Variants in EFR3B observed in about 807,000 individuals in gnomAD.
EFR3B encodes the protein protein EFR3 homolog B.
EFR3B carries 64 observed loss-of-function variants against 104.7 expected under a neutral mutation model. The ratio of observed to expected loss-of-function variants is 0.61; its 90% confidence interval spans 0.50 to 0.75. The LOEUF (loss-of-function observed/expected upper bound fraction) is 0.75. EFR3B is among the 30% of genes least tolerant of loss of function. The probability of loss-of-function intolerance (pLI) is 0.00; values close to 1 mark genes in which losing one functional copy is unlikely to be tolerated. For synonymous variants in EFR3B, 385 were observed against 417.9 expected (o/e 0.92, Z 0.96); for missense variants, 750 against 1,078.5 (o/e 0.70, Z 4.27).
chr2:25,122,062 G>A (rs1670032488), intron 5 of EFR3B, among the ~76,000 whole-genome samples: 1 of 151,906 alleles, frequency 6.6e-6, no homozygotes, highest in Admixed American at 6.6e-5. Context: ...CGCCTCCCAG[G>A]TTCAAGTGAT....
intron 2 of EFR3B, among the ~76,000 whole-genome samples, chr2:25,091,937 G>A (rs1183429960): frequency 6.6e-6 from 1 of 152,152 alleles, no homozygotes; most frequent in Non-Finnish European, 1.5e-5. Context: ...GGGATCTGAT[G>A]TACTTGACTT....
chr2:25,068,987 G>A (rs1206996662), intron 1 of EFR3B, among the ~76,000 whole-genome samples: 5 of 128,288 alleles, frequency 3.9e-5, no homozygotes, highest in East Asian at 2.5e-4. Context: ...AGGCTGGAAT[G>A]CAGTGGCGCG....
intron 4 of EFR3B, among the ~76,000 whole-genome samples, chr2:25,118,437 C>CTG (rs924266276): frequency 1.3e-5 from 2 of 151,740 alleles, no homozygotes; most frequent in African/African-American, 2.4e-5. Context: ...TAATATTCCA[C>CTG]TGTGTGTGTG....
chr2:25,145,007 C>G lies in EFR3B; in HGVS notation c.2098C>G (p.Leu700Val). ...KRRSIGETIS[L>V]QVEVESRNSP... Reference sequence around the variant, plus strand: ...GAGGAGCATTGGAGAGACCATCTCCCTGCAGGTGGAGGTAGAATCGAGGAA... The same window carrying G: ...GAGGAGCATTGGAGAGACCATCTCCGTGCAGGTGGAGGTAGAATCGAGGAA... Residue 700 changes from leucine to valine, a missense_variant, in exon 19 of 23, where the codon CTG becomes GTG. Physicochemically the swap from Leu to Val is conservative, Grantham distance 32 (BLOSUM62 1). Transcript: ENST00000403714. The G allele has an allele frequency of 6.4e-7, 1 of 1,551,744 alleles. No individual in the cohort carries two copies. The highest frequency in any genetic ancestry group is 8.7e-7 in the Non-Finnish European group (1 of 1,146,998).
At chr2:25,096,994 T>C (rs1669299297) in intron 3 of EFR3B, among the ~76,000 whole-genome samples, 1 of 152,208 alleles carries the variant, frequency 6.6e-6, no homozygotes, top group Non-Finnish European at 1.5e-5. Flanking sequence ...CCTTGACATA[T>C]TGTAAATTAT....
At chr2:25,122,384 A>T (rs929517663) in intron 5 of EFR3B, among the ~76,000 whole-genome samples, 3 of 152,168 alleles carry the variant, frequency 2.0e-5, no homozygotes, top group African/African-American at 7.2e-5. Context: ...GTGTACACAC[A>T]CACAGCCCTC....
intron 1 of EFR3B, among the ~76,000 whole-genome samples, chr2:25,060,195 C>CA (rs901359525): frequency 1.2e-4 from 18 of 149,316 alleles, no homozygotes; most frequent in Middle Eastern, 3.4e-3. Flanking sequence ...GACTCCGTCT[C>CA]AAAAAAAAAG....
intron 19 of EFR3B, chr2:25,147,150 A>G (rs1460867980): frequency 1.3e-5 from 2 of 152,080 alleles, no homozygotes; most frequent in East Asian, 1.9e-4. Flanking sequence ...GTTTCCTCAT[A>G]AACTTCTCTC....
chr2:25,068,211 A>G (rs1025398524), intron 1 of EFR3B, among the ~76,000 whole-genome samples: 5 of 152,184 alleles, frequency 3.3e-5, no homozygotes, highest in Non-Finnish European at 7.3e-5. Flanking sequence ...TAAGTCTGAG[A>G]TGCTGCTGGG....
chr2:25,052,496 C>CTTTTTTT (rs56005417), intron 1 of EFR3B, among the ~76,000 whole-genome samples: 4 of 95,710 alleles, frequency 4.2e-5, no homozygotes, highest in Non-Finnish European at 3.9e-5. Flanking sequence ...AGGCAGAATT[C>CTTTTTTT]TTTTTTTTTT....
At chr2:25,149,765 T>C in intron 20 of EFR3B, 23 bp downstream of exon 20, 1 of 1,550,710 alleles carries the variant, frequency 6.4e-7, no homozygotes, top group Non-Finnish European at 8.7e-7. Context: ...AAAGGGACTC[T>C]GGTTAGAGGG....
chr2:25,105,403 A>AG (rs1337474899), intron 4 of EFR3B, among the ~76,000 whole-genome samples: 1 of 152,220 alleles, frequency 6.6e-6, no homozygotes, highest in Non-Finnish European at 1.5e-5. Context: ...CACCCGCCTC[A>AG]GCCTCCCAAA....
intron 1 of EFR3B, chr2:25,058,271 T>C (rs776075775): frequency 2.0e-5 from 3 of 152,078 alleles, no homozygotes; most frequent in Non-Finnish European, 2.9e-5. Context: ...AGTAGTGAGA[T>C]TGAGCCTTTG....
chr2:25,143,031 A>G (rs923013233), intron 17 of EFR3B, among the ~76,000 whole-genome samples: 26 of 148,186 alleles, frequency 1.8e-4, no homozygotes, highest in Non-Finnish European at 3.7e-4. Flanking sequence ...GCGGGTCACG[A>G]GGTCAGAAGA....
intron 1 of EFR3B, among the ~76,000 whole-genome samples, chr2:25,065,693 T>C (rs1281747096): frequency 6.6e-6 from 1 of 152,182 alleles, no homozygotes; most frequent in Non-Finnish European, 1.5e-5. Flanking sequence ...TTCTCACTGC[T>C]TCTTCCTCTC....
At chr2:25,087,126 A>G (rs1197256047) in intron 1 of EFR3B, among the ~76,000 whole-genome samples, 1 of 152,122 alleles carries the variant, frequency 6.6e-6, no homozygotes, top group Non-Finnish European at 1.5e-5. Flanking sequence ...AGAGTGAAGC[A>G]GGGAAAAGCC....
At chr2:25,118,783 G>C (rs895162425) in intron 4 of EFR3B, among the ~76,000 whole-genome samples, 2 of 133,214 alleles carry the variant, frequency 1.5e-5, no homozygotes, top group African/African-American at 2.8e-5. Context: ...GTTCACACCT[G>C]TAATCCCAGC....
At chr2:25,078,958 C>T (rs115279480) in intron 1 of EFR3B, among the ~76,000 whole-genome samples, 1 of 152,112 alleles carries the variant, frequency 6.6e-6, no homozygotes, top group Non-Finnish European at 1.5e-5. Context: ...TGCGTGGCTC[C>T]CCTAATCTGC....
chr2:25,053,633 G>A lies in EFR3B; in HGVS notation c.7+11314G>A, dbSNP rs534515453. Among the ~76,000 whole-genome samples the A allele has an allele frequency of 9.9e-5, 15 of 152,276 alleles. No individual in the cohort carries two copies. In the East Asian group the frequency reaches 2.5e-3, roughly 26 times the overall value. On this transcript the variant is annotated intron_variant, in intron 1 of 22. Coordinates refer to ENST00000403714, the MANE Select transcript of EFR3B (RefSeq NM_014971.2). ...TAAAACTCGTTCCCTGGCCAGGCGC[G>A]GTGGCTCACGCCTGCAATCCAAGCA...
Sources: gnomAD v4.1 joint callset for allele counts (sites outside exome capture counted in the v4.1 genomes callset) on GRCh38, gnomAD v4.1.1 for gene constraint, MANE v1.5 for transcripts, NCBI Gene and HGNC (gene_info 2026-07-23, HGNC 2026-07-21) for gene names.